GRIK1: variants seen among roughly 807,000 people sequenced by gnomAD.
The protein encoded by GRIK1 is glutamate ionotropic receptor kainate type subunit 1.
In GRIK1, 69 loss-of-function variants were observed where a neutral mutation model predicts 105.7. The observed-to-expected ratio is 0.65, with a 90% CI of 0.54 to 0.80. The LOEUF (loss-of-function observed/expected upper bound fraction) is 0.80, where lower values mean the gene tolerates loss of function less well. Among genes scored for constraint, GRIK1 ranks in the 30% least tolerant of loss-of-function variants. The pLI is 0.00. For missense variants in GRIK1, 1,109 were observed against 1,167.3 expected, an observed-to-expected ratio of 0.95 and a Z score of 0.73; for synonymous variants, 438 against 431.3, an observed-to-expected ratio of 1.02 and a Z score of -0.19.
chr21:29,689,123 A>G (rs2063537287), intron 3 of GRIK1, among the ~76,000 whole-genome samples: 2 of 151,534 alleles, frequency 1.3e-5, no homozygotes, highest in African/African-American at 2.4e-5. Flanking sequence ...GGTGCCAGTA[A>G]AAGAAAGTTC....
intron 1 of GRIK1, among the ~76,000 whole-genome samples, chr21:29,765,677 A>G (rs117377372): frequency 0.035 from 5,358 of 152,182 alleles, 156 homozygotes; most frequent in Middle Eastern, 0.088. Flanking sequence ...AATGGGGACT[A>G]AGAGGGAGGA....
intron 7 of GRIK1, among the ~76,000 whole-genome samples, chr21:29,599,555 C>T (rs554697674): frequency 5.3e-5 from 8 of 152,274 alleles, no homozygotes; most frequent in South Asian, 2.1e-4. Context: ...TCAGCGGGAC[C>T]GTGCTCTCTC....
At chr21:29,616,522 C>T (rs779349330) in intron 7 of GRIK1, among the ~76,000 whole-genome samples, 2 of 152,152 alleles carry the variant, frequency 1.3e-5, no homozygotes, top group Non-Finnish European at 2.9e-5. Context: ...TGAGCAAGCC[C>T]TTCAGTTTCG....
At chr21:29,584,059 T>G (rs2091078646) in intron 12 of GRIK1, among the ~76,000 whole-genome samples, 1 of 152,184 alleles carries the variant, frequency 6.6e-6, no homozygotes, top group African/African-American at 2.4e-5. Context: ...AGTAGCCTTA[T>G]GTTGAAATGT....
Position 29,686,502 on chromosome 21 carries a change from A to G in GRIK1, c.544+3226T>C, listed in dbSNP as rs556423191. On this transcript the variant is annotated intron_variant, in intron 3 of 17. Coordinates refer to ENST00000327783, the MANE Select transcript of GRIK1 (RefSeq NM_001330994.2). ...CACTTCATATGTGTACAAAATTACAATCTTAGTTTTTAGCTCAGTTGTCTT... is the reference window on the plus strand; with the variant it reads ...CACTTCATATGTGTACAAAATTACAGTCTTAGTTTTTAGCTCAGTTGTCTT... 2.6e-5 allele frequency among the ~76,000 whole-genome samples: 4 copies of G among 152,326 alleles called. No individual in the cohort carries two copies. In the South Asian group the frequency reaches 8.3e-4, roughly 32 times the overall value.
intron 7 of GRIK1, chr21:29,630,868 T>C (rs2062253228): frequency 3.2e-6 from 1 of 313,842 alleles, no homozygotes; most frequent in Non-Finnish European, 6.2e-6. Context: ...GGCGAGATCA[T>C]GGCTGTTTGC....
chr21:29,589,844 C>A (rs1177560559), intron 10 of GRIK1, among the ~76,000 whole-genome samples: 1 of 152,172 alleles, frequency 6.6e-6, no homozygotes, highest in African/African-American at 2.4e-5. Context: ...ATCTGAATTT[C>A]ACTATTCACT....
intron 16 of GRIK1, among the ~76,000 whole-genome samples, chr21:29,548,308 A>G (rs1419625406): frequency 6.6e-6 from 1 of 152,232 alleles, no homozygotes; most frequent in Non-Finnish European, 1.5e-5. Context: ...AAGGATGTTC[A>G]TATCTTTGCA....
At chr21:29,681,937 G>A (rs2063386893) in intron 3 of GRIK1, among the ~76,000 whole-genome samples, 1 of 152,220 alleles carries the variant, frequency 6.6e-6, no homozygotes, top group Non-Finnish European at 1.5e-5. Context: ...TTGTGTTTTA[G>A]AAAAGCAATT....
rs780947332 is a variant in GRIK1, at chr21:29,939,444, C to A, written c.57G>T (p.Trp19Cys). The change falls in exon 1 of 18, where the codon TGG (tryptophan) becomes TGT (cysteine). Residue 19 changes from tryptophan to cysteine, a missense_variant. By Grantham distance (215) the Trp-to-Cys change is radical. Around this residue, in one of 5 missense-constraint regions of GRIK1, gnomAD observed 612 missense variants for 586.0 expected, o/e 1.04. Coordinates refer to ENST00000327783, the MANE Select transcript of GRIK1 (RefSeq NM_001330994.2). ...TATAGCAGAGGAAATAGAGGAGTGC[C>A]CAGCTGGTGTCCCTGGTCCAGAGCC... ...QPGLWTRDTS[W>C]ALLYFLCYIL... The A allele has an allele frequency of 6.3e-7, 1 of 1,599,042 alleles. No individual in the cohort carries two copies. The highest frequency in any genetic ancestry group is 2.3e-5 in the East Asian group (1 of 43,422).
At chr21:29,595,699 G>C (rs1017489967) in intron 9 of GRIK1, among the ~76,000 whole-genome samples, 2 of 151,934 alleles carry the variant, frequency 1.3e-5, no homozygotes, top group African/African-American at 4.8e-5. Context: ...TTTTTACCAA[G>C]TAGTTTTAGA....
chr21:29,577,137 C>T lies in GRIK1; in HGVS notation c.1957G>A (p.Gly653Arg). Reference sequence around the variant, plus strand: ...ATTAGGGTGAAAAACCACCATATCCCTCCAACTATTCTGGTCGATAGAGCT... The same window carrying T: ...ATTAGGGTGAAAAACCACCATATCCTTCCAACTATTCTGGTCGATAGAGCT... Reference protein sequence around the residue: ...PKALSTRIVGGIWWFFTLIII... With the variant: ...PKALSTRIVGRIWWFFTLIII... Residue 653 changes from glycine to arginine, a missense_variant, in exon 14 of 18, where the codon GGG becomes AGG. Gly to Arg is a moderately radical substitution (Grantham distance 125, BLOSUM62 -2). Coordinates refer to ENST00000327783, the MANE Select transcript of GRIK1 (RefSeq NM_001330994.2). The T allele has an allele frequency of 6.2e-7, 1 of 1,612,362 alleles. No homozygotes were observed. Among genetic ancestry groups the T allele is most frequent in the South Asian group, 1.1e-5 (1 of 91,044 alleles).
At chr21:29,884,812 G>A (rs2069550142) in intron 1 of GRIK1, among the ~76,000 whole-genome samples, 2 of 151,900 alleles carry the variant, frequency 1.3e-5, no homozygotes, top group South Asian at 4.2e-4. Flanking sequence ...TCTCACTATA[G>A]CTACATGCAT....
chr21:29,601,243 C>T, intron 7 of GRIK1: 1 of 510,326 alleles, frequency 2.0e-6, no homozygotes, highest in South Asian at 1.4e-5. Flanking sequence ...AAACAGCGGC[C>T]TTCACCTGTT....
chr21:29,861,680 G>C (rs1258906788), intron 1 of GRIK1: 1 of 451,794 alleles, frequency 2.2e-6, no homozygotes, highest in Non-Finnish European at 4.4e-6. Context: ...ATGAATATTG[G>C]GTTTTGCCAA....
intron 1 of GRIK1, among the ~76,000 whole-genome samples, chr21:29,776,581 T>C (rs1374954276): frequency 1.3e-5 from 2 of 152,186 alleles, no homozygotes; most frequent in Non-Finnish European, 2.9e-5. Context: ...CTACATGTAG[T>C]TTCCAGTGTG....
At chr21:29,703,572 G>C (rs1285664009) in intron 1 of GRIK1, among the ~76,000 whole-genome samples, 1 of 152,184 alleles carries the variant, frequency 6.6e-6, no homozygotes, top group Non-Finnish European at 1.5e-5. Context: ...GATAAATGCT[G>C]TCTTCCTCAC....
chr21:29,651,353 A>C, intron 5 of GRIK1, 62 bp from the exon 6 acceptor site: 1 of 1,108,440 alleles, frequency 9.0e-7, no homozygotes, highest in Non-Finnish European at 1.3e-6. Flanking sequence ...TTTATACAAA[A>C]GAATATTAAT....
intron 1 of GRIK1, among the ~76,000 whole-genome samples, chr21:29,803,472 T>C (rs1218762036): frequency 2.6e-5 from 4 of 152,160 alleles, no homozygotes; most frequent in Non-Finnish European, 5.9e-5. Flanking sequence ...GTCAATAGAA[T>C]GCAGGAGAAT....
Sources: gnomAD v4.1 joint callset for allele counts (sites outside exome capture counted in the v4.1 genomes callset) on GRCh38, gnomAD v4.1.1 for gene constraint, gnomAD v4.1.1 regional missense constraint, MANE v1.5 for transcripts, NCBI Gene and HGNC (gene_info 2026-07-23, HGNC 2026-07-21) for gene names.